The following INO80 variants were observed in gnomAD, a reference collection of about 807,000 sequenced individuals.
The protein encoded by INO80 is INO80 complex ATPase subunit, also known as chromatin-remodeling ATPase INO80.
A neutral mutation model predicts 203.4 loss-of-function variants in INO80; 20 were observed. The ratio of observed to expected loss-of-function variants is 0.10; its 90% CI spans 0.07 to 0.14. The LOEUF (loss-of-function observed/expected upper bound fraction) is 0.14, where lower values mean the gene tolerates loss of function less well. INO80 is among the 10% of genes least tolerant of loss of function. INO80 has a pLI of 1.00. For synonymous variants in INO80, 726 were observed against 685.2 expected (o/e 1.06, Z -0.93); for missense variants, 1,419 against 1,914.4 (o/e 0.74, Z 4.83).
Position 41,116,028 on chromosome 15 carries a change from G to A in INO80, c.-99C>T. 2 of 392,638 alleles carry A rather than the reference G, an allele frequency of 5.1e-6. No individual in the cohort carries two copies. Among genetic ancestry groups the A allele is most frequent in the Non-Finnish European group, 9.0e-6 (2 of 222,544 alleles). 24.3% of individuals were successfully genotyped at this position (392,638 alleles called of 1,614,324 possible). A position where few individuals can be genotyped will look rare whatever the true frequency, so the allele number is the denominator to read the frequency against. On this transcript the variant is annotated 5_prime_UTR_variant, in exon 1 of 36. Transcript: ENST00000648947. The stretch of plus-strand genomic sequence containing the variant: ...GCGGCGGAGGGGGGGCGGGGTGCGG[G>A]CGGGGTCCGGAGGGGGGGGTCGCCC...
intron 28 of INO80, among the ~76,000 whole-genome samples, chr15:40,998,995 C>CACACACACACAA (rs1380009530): frequency 5.3e-5 from 8 of 151,292 alleles, no homozygotes; most frequent in African/African-American, 1.9e-4. Context: ...CACACACACA[C>CACACACACACAA]ACACACACAC....
chr15:41,029,247 T>C (rs2083877525), intron 24 of INO80, among the ~76,000 whole-genome samples: 1 of 152,238 alleles, frequency 6.6e-6, no homozygotes, highest in Non-Finnish European at 1.5e-5. Flanking sequence ...GGATAATTTG[T>C]TCAGCTCATA....
intron 5 of INO80, among the ~76,000 whole-genome samples, chr15:41,088,216 A>G (rs1174555176): frequency 6.6e-6 from 1 of 150,928 alleles, no homozygotes; most frequent in African/African-American, 2.4e-5. Context: ...CAGCCTCCCA[A>G]GTAGCTGGGA....
intron 5 of INO80, among the ~76,000 whole-genome samples, chr15:41,088,958 G>C (rs1001610014): frequency 6.6e-6 from 1 of 151,988 alleles, no homozygotes; most frequent in South Asian, 2.1e-4. Context: ...GAAGGCCAAG[G>C]TGGGCAAATT....
At chr15:41,034,473 G>A (rs2044539241) in intron 24 of INO80, among the ~76,000 whole-genome samples, 1 of 152,176 alleles carries the variant, frequency 6.6e-6, no homozygotes, top group African/African-American at 2.4e-5. Context: ...CACAGAGGAA[G>A]AAAAACAAAG....
At chr15:41,093,091 G>A (rs1193673813) in intron 4 of INO80, among the ~76,000 whole-genome samples, 1 of 152,054 alleles carries the variant, frequency 6.6e-6, no homozygotes, top group Non-Finnish European at 1.5e-5. Flanking sequence ...CAGACAAAAA[G>A]CAGATTAGTC....
intron 24 of INO80, among the ~76,000 whole-genome samples, chr15:41,030,278 C>T (rs763135154): frequency 9.9e-5 from 15 of 152,176 alleles, no homozygotes; most frequent in Non-Finnish European, 2.1e-4. Context: ...TAACAAAGCA[C>T]ATTATTTGTT....
intron 28 of INO80, among the ~76,000 whole-genome samples, chr15:41,002,941 A>G (rs2043980283): frequency 6.6e-6 from 1 of 151,044 alleles, no homozygotes; most frequent in Non-Finnish European, 1.5e-5. Flanking sequence ...TGTCTCTACT[A>G]AAAATACAAA....
intron 1 of INO80, among the ~76,000 whole-genome samples, chr15:41,098,355 T>C (rs1272458443): frequency 6.6e-6 from 1 of 152,098 alleles, no homozygotes; most frequent in African/African-American, 2.4e-5. Flanking sequence ...ATTAAAAATG[T>C]TTACACTTTA....
intron 1 of INO80, among the ~76,000 whole-genome samples, chr15:41,110,883 A>G (rs2045949332): frequency 6.6e-6 from 1 of 152,206 alleles, no homozygotes; most frequent in Non-Finnish European, 1.5e-5. Context: ...TTTTATATTT[A>G]GATTTATATA....
chr15:41,102,884 C>T (rs965809184), intron 1 of INO80, among the ~76,000 whole-genome samples: 1 of 152,212 alleles, frequency 6.6e-6, no homozygotes, highest in East Asian at 1.9e-4. Flanking sequence ...ATTCTAAATG[C>T]GGAGTACACC....
At chr15:41,043,550 T>C (rs926371941) in intron 24 of INO80, among the ~76,000 whole-genome samples, 1 of 152,132 alleles carries the variant, frequency 6.6e-6, no homozygotes, top group African/African-American at 2.4e-5. Flanking sequence ...GAGAAGGAAA[T>C]CATGTGAGCT....
chr15:41,102,478 C>T (rs2045823502), intron 1 of INO80, among the ~76,000 whole-genome samples: 1 of 152,008 alleles, frequency 6.6e-6, no homozygotes, highest in Non-Finnish European at 1.5e-5. Context: ...ACCAGCCTGA[C>T]CAATATGGTG....
At chr15:41,105,034 C>T (rs1483283055) in intron 1 of INO80, among the ~76,000 whole-genome samples, 2 of 152,048 alleles carry the variant, frequency 1.3e-5, no homozygotes, top group Admixed American at 6.6e-5. Flanking sequence ...GTAATTCATC[C>T]CAAAGACAAA....
Position 41,050,056 on chromosome 15 carries a change from A to C in INO80, c.2321T>G (p.Leu774Arg), listed in dbSNP as rs1462332940. The change falls in exon 20 of 36, where the codon CTA (leucine) becomes CGA (arginine). Residue 774 changes from leucine (L) to arginine (R), a missense_variant. Around this residue, in one of 9 missense-constraint regions of INO80, gnomAD observed 192 missense variants for 406.7 expected, o/e 0.47. Transcript: ENST00000648947. The part of the protein sequence containing the change: ...YCQLTSRQKL[L>R]YQALKNKISI... ...AATTTTGTTCTTTAGTGCCTGATATAGCAGCTTCTGTCGGCTGGTCAGTTG... is the reference window on the plus strand; with the variant it reads ...AATTTTGTTCTTTAGTGCCTGATATCGCAGCTTCTGTCGGCTGGTCAGTTG... 6.8e-6 allele frequency: 11 copies of C among 1,613,902 alleles called. No homozygotes were observed. The highest frequency in any genetic ancestry group is 9.3e-6 in the Non-Finnish European group (11 of 1,179,754).
In INO80 at chr15:41,080,021, A is replaced by G. The variant is rs796442318; in HGVS notation, c.928-117T>C. The G allele has an allele frequency of 2.9e-5, 24 of 830,826 alleles. No individual in the cohort carries two copies. In the African/African-American group the frequency reaches 3.5e-4, roughly 12 times the overall value. The allele number at this position is 830,826 out of a possible 1,614,324, so 51.5% of individuals were successfully genotyped here. A position where few individuals can be genotyped will look rare whatever the true frequency, so the allele number is the denominator to read the frequency against. ...CAGCCAAACTGTCATCCTTGACCAC[A>G]TCTTTCTCCTGCAACTTGATTAATG... On this transcript the variant is annotated intron_variant, in intron 8 of 35. Coordinates refer to ENST00000648947, the MANE Select transcript of INO80 (RefSeq NM_017553.3).
chr15:41,048,963 C>T (rs903442529), intron 21 of INO80, among the ~76,000 whole-genome samples: 4 of 152,196 alleles, frequency 2.6e-5, no homozygotes, highest in African/African-American at 9.7e-5. Flanking sequence ...AAGTGCAATT[C>T]CAAATGTAAA....
chr15:40,983,720 G>A (rs1893919208), intron 34 of INO80, 42 bp downstream of exon 34: 2 of 1,587,318 alleles, frequency 1.3e-6, no homozygotes, highest in Admixed American at 3.4e-5. Flanking sequence ...CCAGTGCTGG[G>A]CAGTGGACCA....
At chr15:41,079,975 C>T in intron 8 of INO80, 71 bp from the exon 9 acceptor site, 3 of 1,285,578 alleles carry the variant, frequency 2.3e-6, no homozygotes, top group African/African-American at 1.5e-5. Flanking sequence ...GACTCTAAAC[C>T]ACATCATTCC....
Sources: allele counts gnomAD v4.1 joint callset (sites outside exome capture counted in the v4.1 genomes callset), GRCh38; gene constraint gnomAD v4.1.1; regional missense constraint gnomAD v4.1.1; transcripts MANE v1.5; gene names NCBI Gene and HGNC (gene_info 2026-07-23, HGNC 2026-07-21).